The following NOL9 variants were observed in gnomAD, a reference collection of about 807,000 sequenced individuals.
NOL9 encodes nucleolar protein 9.
NOL9 carries 28 observed loss-of-function variants against 67.9 expected under a neutral mutation model. The ratio of observed to expected loss-of-function variants is 0.41; its 90% confidence interval spans 0.31 to 0.57. NOL9 has a LOEUF of 0.57. Ranked by LOEUF, NOL9 falls within the 20% of genes least tolerant of loss-of-function variation. The pLI, the probability that NOL9 is intolerant of heterozygous loss-of-function variation, is 0.25. For synonymous variants in NOL9, 356 were observed against 352.2 expected, an observed-to-expected ratio of 1.01 and a Z score of -0.12; for missense variants, 777 against 897.0, an observed-to-expected ratio of 0.87 and a Z score of 1.71.
intron 3 of NOL9, chr1:6,548,138 CTTTTTTTTTT>C (rs201835857): frequency 0.028 from 2,903 of 101,964 alleles, 69 homozygotes; most frequent in Middle Eastern, 0.1. Flanking sequence ...ACTTAAAGTT[CTTTTTTTTTT>C]TTTTTTTTTT....
At position 6,554,495 on chromosome 1, in the gene NOL9, T is replaced by C. The variant is rs746683002; in HGVS notation, c.8A>G (p.Asp3Gly). 9.8e-6 allele frequency: 15 copies of C among 1,537,728 alleles called. No homozygotes were observed. Among genetic ancestry groups the C allele is most frequent in the Non-Finnish European group, 1.3e-5 (15 of 1,156,072 alleles). ...ACCCCGCTTTAGCAGCAGTCCCGAG[T>C]CCGCCATGCTGGGTCCTCAGGGCCT... is the stretch of plus-strand genomic sequence containing the variant. MA[D>G]SGLLLKRGSC... The change falls in exon 1 of 12, where the codon GAC (aspartate) becomes GGC (glycine). Residue 3 changes from aspartate (D) to glycine (G), a missense_variant. Physicochemically the swap from Asp to Gly is moderately conservative, Grantham distance 94. Coordinates refer to ENST00000377705, the MANE Select transcript of NOL9 (RefSeq NM_024654.5).
chr1:6,531,818 T>C, intron 9 of NOL9, 150 bp downstream of exon 9: 2 of 659,136 alleles, frequency 3.0e-6, no homozygotes, highest in South Asian at 3.6e-5. Flanking sequence ...ATCTGTAAAG[T>C]GGGAATAACG....
chr1:6,548,444 G>A (rs935374694), intron 3 of NOL9: 22 of 224,186 alleles, frequency 9.8e-5, no homozygotes, highest in Admixed American at 5.3e-4. Context: ...ACCACGCCCC[G>A]CCAAGACCTA....
At chr1:6,529,617 AT>A (rs1638975346) in intron 9 of NOL9, among the ~76,000 whole-genome samples, 1 of 151,618 alleles carries the variant, frequency 6.6e-6, no homozygotes, top group East Asian at 1.9e-4. Context: ...AAAAATAAAA[AT>A]AAAAAATAAA....
intron 6 of NOL9, among the ~76,000 whole-genome samples, chr1:6,533,894 T>C (rs1004271608): frequency 9.2e-5 from 14 of 152,028 alleles, no homozygotes; most frequent in East Asian, 7.7e-4. Context: ...TTCTTTCTTT[T>C]TTTTTTTTTT....
chr1:6,554,449 C>T lies in NOL9; in HGVS notation c.54G>A (p.Leu18=), dbSNP rs201421488. Residue 18 remains leucine, a synonymous_variant, in exon 1 of 12, where the codon CTG becomes CTA. Coordinates refer to ENST00000377705, the MANE Select transcript of NOL9 (RefSeq NM_024654.5). ...GCTGGGGCCGGGCCTTGCGGACCCG[C>T]AGCCAAGTGGAACGGCAGGAACCCC... The part of the protein sequence containing the change: ...LKRGSCRSTW[L]RVRKARPQLI... The T allele has an allele frequency of 9.0e-6, 14 of 1,552,030 alleles. No homozygotes were observed. The highest frequency in any genetic ancestry group is 5.6e-5 in the Admixed American group (3 of 53,112).
chr1:6,543,189 C>T (rs1440195961), intron 5 of NOL9, among the ~76,000 whole-genome samples: 1 of 134,664 alleles, frequency 7.4e-6, no homozygotes, highest in Non-Finnish European at 1.6e-5. Context: ...CCACGGTGCC[C>T]AGCCTTTTTT....
intron 6 of NOL9, among the ~76,000 whole-genome samples, chr1:6,539,173 G>A (rs548772202): frequency 7.9e-5 from 12 of 152,158 alleles, no homozygotes; most frequent in Admixed American, 5.2e-4. Flanking sequence ...GTGAGGATAC[G>A]GAGAAATCAG....
At chr1:6,527,930 C>G (rs951553684) in intron 10 of NOL9, among the ~76,000 whole-genome samples, 3 of 151,114 alleles carry the variant, frequency 2.0e-5, no homozygotes, top group African/African-American at 7.3e-5. Flanking sequence ...GACTCCGTCT[C>G]GGAAAAAAAA....
chr1:6,530,670 C>G (rs78633139), intron 9 of NOL9, among the ~76,000 whole-genome samples: 1,567 of 152,318 alleles, frequency 0.01, 19 homozygotes, highest in Middle Eastern at 0.058. Flanking sequence ...CCTTGCTGCC[C>G]AGGTCTGCCG....
At position 6,525,940 on chromosome 1, in the gene NOL9, A is replaced by T; in HGVS notation, c.2023T>A (p.Ser675Thr). Residue 675 changes from serine to threonine, a missense_variant, in exon 12 of 12, where the codon TCA becomes ACA. By Grantham distance (58) the Ser-to-Thr change is moderately conservative. Around this residue, in one of 2 missense-constraint regions of NOL9, gnomAD observed 413 missense variants for 552.6 expected, o/e 0.75. Coordinates refer to ENST00000377705, the MANE Select transcript of NOL9 (RefSeq NM_024654.5). Reference sequence around the variant, plus strand: ...GGTTCTCTTGCTCCAATTTTCTCTGATGCTCCAGGAAGTTTAAAATTGTAA... The same window carrying T: ...GGTTCTCTTGCTCCAATTTTCTCTGTTGCTCCAGGAAGTTTAAAATTGTAA... ...TDYNFKLPGA[S>T]EKIGAREPEE... 6.2e-7 allele frequency: 1 copy of T among 1,613,938 alleles called. No homozygotes were observed. Among genetic ancestry groups the T allele is most frequent in the Non-Finnish European group, 8.5e-7 (1 of 1,179,864 alleles).
Position 6,529,238 on chromosome 1 carries a change from T to A in NOL9, c.1648-67A>T, listed in dbSNP as rs1049077184. On this transcript the variant is annotated intron_variant, in intron 9 of 11. Coordinates refer to ENST00000377705, the MANE Select transcript of NOL9 (RefSeq NM_024654.5). ...TGAAAGACCACTTAATTTCTACAAC[T>A]AGATTAACCAGCTATCTAAAGATAG... 10 of 1,393,236 alleles carry A rather than the reference T, an allele frequency of 7.2e-6. No homozygotes were observed. In the African/African-American group the frequency reaches 1.4e-4, roughly 20 times the overall value. 86.3% of individuals were successfully genotyped at this position (1,393,236 alleles called of 1,614,324 possible). A position where few individuals can be genotyped will look rare whatever the true frequency, so the allele number is the denominator to read the frequency against.
intron 3 of NOL9, among the ~76,000 whole-genome samples, chr1:6,546,303 C>A (rs1338940320): frequency 1.3e-5 from 2 of 152,170 alleles, no homozygotes; most frequent in East Asian, 3.8e-4. Context: ...GCATCTGGAA[C>A]ATTCACTTTC....
rs2148663943 is a variant in NOL9, at chr1:6,554,196, A to G, written c.307T>C (p.Ser103Pro). 1.3e-6 allele frequency: 2 copies of G among 1,522,382 alleles called. No individual in the cohort carries two copies. Among genetic ancestry groups the G allele is most frequent in the Middle Eastern group, 2.1e-4 (1 of 4,720 alleles). 94.3% of individuals were successfully genotyped at this position (1,522,382 alleles called of 1,614,324 possible). A position where few individuals can be genotyped will look rare whatever the true frequency, so the allele number is the denominator to read the frequency against. The change falls in exon 1 of 12, where the codon TCC (serine) becomes CCC (proline). Residue 103 changes from serine to proline, a missense_variant. Ser to Pro is a moderately conservative substitution (Grantham distance 74). Transcript: ENST00000377705. ...SEPESEPELE[S>P]ASSCHRPLLI... ...AGAGGCCGGTGGCAACTCGAGGCGG[A>G]TTCGAGTTCGGGTTCGGACTCGGGT...
chr1:6,535,876 C>T (rs1473099997), intron 6 of NOL9, among the ~76,000 whole-genome samples: 3 of 148,644 alleles, frequency 2.0e-5, no homozygotes, highest in Non-Finnish European at 4.4e-5. Context: ...TGCAGTGAGC[C>T]GAGATCGTGC....
Position 6,545,547 on chromosome 1 carries a change from C to T in NOL9, c.745-367G>A, listed in dbSNP as rs1433581234. The stretch of plus-strand genomic sequence containing the variant: ...TCTGAAAACATAAAGCAAAAACACA[C>T]GGACAGAACATATGCAAACAGAGTT... On this transcript the variant is annotated intron_variant, in intron 3 of 11. Transcript: ENST00000377705. Among the ~76,000 whole-genome samples, 5 of 152,254 alleles carry T rather than the reference C, an allele frequency of 3.3e-5. No homozygotes were observed. In the South Asian group the frequency reaches 6.2e-4, roughly 19 times the overall value.
intron 6 of NOL9, among the ~76,000 whole-genome samples, chr1:6,539,424 A>G (rs1639226770): frequency 6.6e-6 from 1 of 152,224 alleles, no homozygotes; most frequent in Non-Finnish European, 1.5e-5. Context: ...AGCTGAATGG[A>G]TAAACTAAAT....
intron 1 of NOL9, among the ~76,000 whole-genome samples, chr1:6,553,071 C>T (rs1434542900): frequency 2.0e-5 from 3 of 152,136 alleles, no homozygotes; most frequent in Admixed American, 6.6e-5. Context: ...TTCGGCTTCC[C>T]AAAGTGCCGG....
In NOL9 at chr1:6,554,258, G is replaced by A. The variant is rs1359355593; in HGVS notation, c.245C>T (p.Thr82Ile). The A allele has an allele frequency of 4.0e-6, 6 of 1,490,744 alleles. No homozygotes were observed. Among genetic ancestry groups the A allele is most frequent in the Non-Finnish European group, 5.4e-6 (6 of 1,121,326 alleles). 92.3% of individuals were successfully genotyped at this position (1,490,744 alleles called of 1,614,324 possible). ...GGTCGGGCTAGGGATCGGGCTGGGG[G>A]TCGCGGTGTTGGGTCTCCGGGCCGC... ...AAAARRPNTA[T>I]PSPIPSPTPA... Residue 82 changes from threonine to isoleucine, a missense_variant, in exon 1 of 12, where the codon ACC (threonine) becomes ATC (isoleucine). By Grantham distance (89) the Thr-to-Ile change is moderately conservative. Around this residue, in one of 2 missense-constraint regions of NOL9, gnomAD observed 364 missense variants for 344.4 expected, o/e 1.06. Transcript: ENST00000377705.
Sources: allele counts gnomAD v4.1 joint callset (sites outside exome capture counted in the v4.1 genomes callset), GRCh38; gene constraint gnomAD v4.1.1; regional missense constraint gnomAD v4.1.1; transcripts MANE v1.5; gene names NCBI Gene and HGNC (gene_info 2026-07-23, HGNC 2026-07-21).